Variants in CELA3B observed in about 807,000 individuals in gnomAD.
The protein encoded by CELA3B is chymotrypsin-like elastase family member 3B.
A neutral mutation model predicts 37.2 loss-of-function variants in CELA3B; 34 were observed. The ratio of observed to expected loss-of-function variants is 0.91; its 90% CI spans 0.70 to 1.22. CELA3B has a LOEUF of 1.22. Ranked by LOEUF, CELA3B falls within the 50% of genes most tolerant of loss-of-function variation. The probability of loss-of-function intolerance (pLI) is 0.00; values close to 1 mark genes in which losing one functional copy is unlikely to be tolerated. For synonymous variants in CELA3B, 127 were observed against 143.5 expected (o/e 0.89, Z 0.82); for missense variants, 340 against 363.1 (o/e 0.94, Z 0.52).
intron 4 of CELA3B, among the ~76,000 whole-genome samples, chr1:21,981,958 C>T (rs1421214750): frequency 6.6e-6 from 1 of 152,146 alleles, no homozygotes; most frequent in East Asian, 1.9e-4. Context: ...ATCTCCTGAC[C>T]TCGTGATCTG....
chr1:21,978,674 T>C (rs1276746762), intron 2 of CELA3B, among the ~76,000 whole-genome samples: 1 of 151,640 alleles, frequency 6.6e-6, no homozygotes, highest in Non-Finnish European at 1.5e-5. Context: ...GAATCGGGGG[T>C]GAAGGAAATG....
chr1:21,982,708 C>G (rs1328551825), intron 4 of CELA3B, among the ~76,000 whole-genome samples: 1 of 151,974 alleles, frequency 6.6e-6, no homozygotes, highest in African/African-American at 2.4e-5. Context: ...GACTGAGTCT[C>G]GCTCTGTCAC....
At chr1:21,989,120 T>C (rs1240762682) in intron 7 of CELA3B, 142 bp from the exon 8 acceptor site, 4 of 1,512,448 alleles carry the variant, frequency 2.6e-6, no homozygotes, top group South Asian at 1.2e-5. Flanking sequence ...CCCTACTACA[T>C]AGAGGAGGAA....
At position 21,986,586 on chromosome 1, in the gene CELA3B, A is replaced by C. The variant is rs1569847646; in HGVS notation, c.698A>C (p.His233Pro). The C allele has an allele frequency of 6.2e-7, 1 of 1,614,118 alleles. No homozygotes were observed. ...ACAGAGGATGGTGGCTGGCAGGTCC[A>C]TGGCGTGACCAGCTTTGTTTCTGCC... ...CPTEDGGWQV[H>P]GVTSFVSAFG... The change falls in exon 7 of 8, where the codon CAT (histidine) becomes CCT (proline). Residue 233 changes from histidine (H) to proline (P), a missense_variant. By Grantham distance (77) the His-to-Pro change is moderately conservative. Coordinates refer to ENST00000337107, the MANE Select transcript of CELA3B (RefSeq NM_007352.4).
At chr1:21,980,298 G>C (rs1644796526) in intron 2 of CELA3B, among the ~76,000 whole-genome samples, 1 of 150,190 alleles carries the variant, frequency 6.7e-6, no homozygotes, top group African/African-American at 2.4e-5. Flanking sequence ...TGGCCAACAT[G>C]GTGAAACTCC....
At chr1:21,980,591 T>C (rs1490049013) in intron 2 of CELA3B, among the ~76,000 whole-genome samples, 2 of 143,208 alleles carry the variant, frequency 1.4e-5, no homozygotes, top group African/African-American at 5.0e-5. Context: ...GTCATAGTGC[T>C]GGTGTGGGGA....
At chr1:21,977,285 A>AC (rs937821885) in intron 1 of CELA3B, among the ~76,000 whole-genome samples, 154 of 151,992 alleles carry the variant, frequency 1.0e-3, no homozygotes, top group African/African-American at 2.4e-3. Flanking sequence ...ATGGAGAAAG[A>AC]CCCCAAAGGG....
At chr1:21,995,281 G>T (rs1232826087) in intron 4 of CELA3B, among the ~76,000 whole-genome samples, 1 of 149,940 alleles carries the variant, frequency 6.7e-6, no homozygotes, top group Non-Finnish European at 1.5e-5. Context: ...TGGGACTACA[G>T]GTGTGTACCA....
chr1:21,991,533 A>T (rs529052717), downstream of CELA3B, among the ~76,000 whole-genome samples: 270 of 150,936 alleles, frequency 1.8e-3, 6 homozygotes, highest in Non-Finnish European at 5.0e-4. Context: ...ATGAGGTTTC[A>T]CCATGTTGCC....
chr1:21,980,723 G>C (rs113430470), intron 2 of CELA3B, 101 bp from the exon 3 acceptor site: 14,908 of 824,472 alleles, frequency 0.018, 363 homozygotes, highest in African/African-American at 0.025. Context: ...CGTGTGAATG[G>C]CGCCCTCTAG....
chr1:21,985,953 C>T (rs1209104517), intron 6 of CELA3B, among the ~76,000 whole-genome samples: 6 of 110,002 alleles, frequency 5.5e-5, no homozygotes, highest in Admixed American at 1.1e-4. Context: ...TAATAATTAA[C>T]TATGGTGCTA....
intron 2 of CELA3B, among the ~76,000 whole-genome samples, chr1:21,980,318 A>G (rs1226595616): frequency 1.3e-5 from 2 of 151,314 alleles, no homozygotes; most frequent in East Asian, 1.9e-4. Context: ...CGTGTCTACT[A>G]AAAATACAAA....
rs201377315 is a variant in CELA3B at position 21,983,813 on chromosome 1, G to A, written c.482G>A (p.Gly161Asp). 1 of 1,614,002 alleles carries A rather than the reference G, an allele frequency of 6.2e-7. No homozygotes were observed. Among genetic ancestry groups the A allele is most frequent in the East Asian group, 2.2e-5 (1 of 44,876 alleles). ...AACGAGACACCCTGCTACATCACCGGCTGGGGCCGTCTCTATAGTACGTGC... is the reference window on the plus strand; with the variant it reads ...AACGAGACACCCTGCTACATCACCGACTGGGGCCGTCTCTATAGTACGTGC... Reference protein sequence around the residue: ...LPNETPCYITGWGRLYTNGPL... With the variant: ...LPNETPCYITDWGRLYTNGPL... Residue 161 changes from glycine (G) to aspartate (D), a missense_variant, in exon 5 of 8, where the codon GGC (glycine) becomes GAC (aspartate). Transcript: ENST00000337107.
rs369016783 is a variant in CELA3B at position 21,986,641 on chromosome 1, G to A, written c.753G>A (p.Thr251=). The A allele has an allele frequency of 6.4e-5, 104 of 1,613,866 alleles. No individual in the cohort carries two copies. In the East Asian group the frequency reaches 9.6e-4, roughly 15 times the overall value. ...AFGCNTRRKP[T]VFTRVSAFID... ...GCTGCAACACCCGCAGGAAGCCCAC[G>A]GTGTTCACTCGAGTCTCCGCCTTCA... Residue 251 remains threonine (T), a synonymous_variant, in exon 7 of 8, where the codon ACG becomes ACA. Coordinates refer to ENST00000337107, the MANE Select transcript of CELA3B (RefSeq NM_007352.4).
intron 2 of CELA3B, among the ~76,000 whole-genome samples, chr1:21,980,316 C>T (rs11580978): frequency 0.094 from 14,177 of 150,862 alleles, 753 homozygotes; most frequent in African/African-American, 0.13. Flanking sequence ...TCCGTGTCTA[C>T]TAAAAATACA....
At chr1:21,988,681 G>A (rs1322468401) in intron 7 of CELA3B, among the ~76,000 whole-genome samples, 2 of 150,800 alleles carry the variant, frequency 1.3e-5, no homozygotes, top group East Asian at 3.9e-4. Flanking sequence ...CACAAGGTCA[G>A]GAGATTGAGA....
chr1:21,991,662 T>G (rs1356533083), downstream of CELA3B, among the ~76,000 whole-genome samples: 2 of 151,060 alleles, frequency 1.3e-5, no homozygotes, highest in Non-Finnish European at 2.9e-5. Flanking sequence ...GAAAGGAGAT[T>G]TTATATCTTA....
chr1:21,989,699 C>T (rs1644861253), downstream of CELA3B, among the ~76,000 whole-genome samples: 1 of 150,970 alleles, frequency 6.6e-6, no homozygotes, highest in Non-Finnish European at 1.5e-5. Flanking sequence ...CCCTGCCAGC[C>T]CCTCAGCAGG....
chr1:21,977,167 A>T, intron 1 of CELA3B, 85 bp downstream of exon 1: 1 of 1,588,122 alleles, frequency 6.3e-7, no homozygotes, highest in South Asian at 1.1e-5. Context: ...AAGTCCCATG[A>T]CACCCTATGC....
Sources: allele counts gnomAD v4.1 joint callset (sites outside exome capture counted in the v4.1 genomes callset), GRCh38; gene constraint gnomAD v4.1.1; transcripts MANE v1.5; gene names NCBI Gene and HGNC (gene_info 2026-07-23, HGNC 2026-07-21).